The following SETD3 variants were observed in gnomAD, a reference collection of about 807,000 sequenced individuals.
The protein encoded by SETD3 is actin-histidine N-methyltransferase.
In SETD3, 19 loss-of-function variants were observed where a neutral mutation model predicts 63.0. The observed-to-expected ratio is 0.30, with a 90% CI of 0.21 to 0.44. The LOEUF (loss-of-function observed/expected upper bound fraction) is 0.44. Among genes scored for constraint, SETD3 ranks in the 20% least tolerant of loss-of-function variants. SETD3 has a pLI of 1.00. For synonymous variants in SETD3, 286 were observed against 264.1 expected (o/e 1.08, Z -0.80); for missense variants, 587 against 728.5 (o/e 0.81, Z 2.24).
Position 99,465,685 on chromosome 14 carries a change from G to T in SETD3, c.103+18C>A. ...CAGCCACCACATCAAGGCAGGGAGAGCCCAGAGGAGGACTTACTCTGCAGC... is the reference window on the plus strand; with the variant it reads ...CAGCCACCACATCAAGGCAGGGAGATCCCAGAGGAGGACTTACTCTGCAGC... On this transcript the variant is annotated intron_variant, in intron 2 of 12. Coordinates refer to ENST00000331768, the MANE Select transcript of SETD3 (RefSeq NM_032233.3). 4.4e-6 allele frequency: 7 copies of T among 1,599,466 alleles called. No homozygotes were observed. The highest frequency in any genetic ancestry group is 6.0e-6 in the Non-Finnish European group (7 of 1,167,296).
Position 99,413,869 on chromosome 14 carries a change from C to G in SETD3, c.734+7G>C. The G allele has an allele frequency of 6.2e-7, 1 of 1,614,042 alleles. No individual in the cohort carries two copies. Among genetic ancestry groups the G allele is most frequent in the Non-Finnish European group, 8.5e-7 (1 of 1,179,866 alleles). ...AATACACAGACACACTCACAGCCCA[C>G]ACCAACCTGTAGTCCTCGTAAGTGA... On this transcript the variant is annotated splice_region_variant and intron_variant, in intron 7 of 12. Transcript: ENST00000331768.
intron 11 of SETD3, among the ~76,000 whole-genome samples, chr14:99,402,782 T>C (rs138480202): frequency 2.0e-5 from 3 of 152,190 alleles, no homozygotes; most frequent in African/African-American, 4.8e-5. Context: ...ATCAGTAAAA[T>C]GGGAGCACTT....
chr14:99,407,607 G>A lies in SETD3; in HGVS notation c.850-1017C>T, dbSNP rs546562840. Among the ~76,000 whole-genome samples the A allele has an allele frequency of 2.8e-3, 429 of 152,192 alleles. 2 individuals are homozygous for A. Among genetic ancestry groups the A allele is most frequent in the African/African-American group, 9.6e-3 (398 of 41,532 alleles). ...CCTGAGCACGGCCGAATAAGGAGGC[G>A]GCTCACGCTTCCCTCCAGCTTCAGG... On this transcript the variant is annotated intron_variant, in intron 8 of 12. Transcript: ENST00000331768.
At chr14:99,471,293 C>T (rs1410638686) in intron 1 of SETD3, among the ~76,000 whole-genome samples, 1 of 152,090 alleles carries the variant, frequency 6.6e-6, no homozygotes, top group Non-Finnish European at 1.5e-5. Context: ...CACATTGCTC[C>T]CAACAGTGAT....
At chr14:99,446,062 T>C (rs1359605538) in intron 6 of SETD3, among the ~76,000 whole-genome samples, 1 of 152,194 alleles carries the variant, frequency 6.6e-6, no homozygotes, top group East Asian at 1.9e-4. Flanking sequence ...AAACTGTGTC[T>C]AGGGTCAGAC....
At chr14:99,413,300 CAGA>C (rs1010640505) in intron 7 of SETD3, 21 of 475,698 alleles carry the variant, frequency 4.4e-5, no homozygotes, top group Non-Finnish European at 7.1e-5. Context: ...GAAGCAGAGC[CAGA>C]AGGACGGCTT....
At chr14:99,468,963 G>A (rs1339478467) in intron 1 of SETD3, among the ~76,000 whole-genome samples, 2 of 152,102 alleles carry the variant, frequency 1.3e-5, no homozygotes, top group African/African-American at 4.8e-5. Context: ...ACAGGTCTTA[G>A]GTCAGGTTAC....
intron 1 of SETD3, among the ~76,000 whole-genome samples, chr14:99,466,498 A>G (rs1895380556): frequency 6.6e-6 from 1 of 152,196 alleles, no homozygotes; most frequent in Admixed American, 6.5e-5. Context: ...AGATGAGACC[A>G]TGTGGTATAG....
chr14:99,423,021 CT>C (rs1892670678), intron 6 of SETD3, among the ~76,000 whole-genome samples: 3 of 152,172 alleles, frequency 2.0e-5, no homozygotes, highest in Non-Finnish European at 4.4e-5. Flanking sequence ...TTCATATTCC[CT>C]CCTTTTCTCT....
intron 6 of SETD3, among the ~76,000 whole-genome samples, chr14:99,448,728 A>T (rs1595227297): frequency 6.6e-6 from 1 of 152,188 alleles, no homozygotes; most frequent in Admixed American, 6.5e-5. Flanking sequence ...AGCAGATGCA[A>T]TGTTACCATG....
chr14:99,475,325 T>G (rs1182330476), intron 1 of SETD3, among the ~76,000 whole-genome samples: 1 of 152,234 alleles, frequency 6.6e-6, no homozygotes, highest in Non-Finnish European at 1.5e-5. Context: ...GTACTTCACC[T>G]GATCCAAGTC....
intron 6 of SETD3, among the ~76,000 whole-genome samples, chr14:99,414,136 G>C (rs915947283): frequency 2.0e-5 from 3 of 152,270 alleles, no homozygotes; most frequent in African/African-American, 4.8e-5. Context: ...GTTGTGCCCA[G>C]CAGCCGCCAT....
intron 9 of SETD3, 97 bp from the exon 10 acceptor site, chr14:99,405,468 TAG>T: frequency 1.5e-6 from 2 of 1,296,890 alleles, no homozygotes; most frequent in South Asian, 1.5e-5. Flanking sequence ...ACTTTACATT[TAG>T]ACACTAAATA....
intron 6 of SETD3, among the ~76,000 whole-genome samples, chr14:99,439,688 A>G (rs1893687562): frequency 6.8e-6 from 1 of 147,580 alleles, no homozygotes; most frequent in Non-Finnish European, 1.5e-5. Context: ...TTATATATTT[A>G]TATGTATTTA....
chr14:99,446,274 G>A (rs1305559675), intron 6 of SETD3, among the ~76,000 whole-genome samples: 2 of 152,206 alleles, frequency 1.3e-5, no homozygotes, highest in African/African-American at 2.4e-5. Flanking sequence ...AGAAAGCCCT[G>A]TATTTCTGGC....
intron 6 of SETD3, among the ~76,000 whole-genome samples, chr14:99,455,635 T>A (rs1478905781): frequency 6.6e-6 from 1 of 152,208 alleles, no homozygotes; most frequent in African/African-American, 2.4e-5. Flanking sequence ...CCAGTGTTGG[T>A]AGGCCTCAGG....
At chr14:99,420,883 C>A (rs1368930773) in intron 6 of SETD3, among the ~76,000 whole-genome samples, 1 of 132,124 alleles carries the variant, frequency 7.6e-6, no homozygotes, top group African/African-American at 2.9e-5. Flanking sequence ...CCTGCCAGGT[C>A]ATCCAAGCAT....
rs371290639 is a variant in SETD3 at position 99,404,236 on chromosome 14, C to G, written c.1166G>C (p.Cys389Ser). The change falls in exon 11 of 13, where the codon TGT (cysteine) becomes TCT (serine). Residue 389 changes from cysteine to serine, a missense_variant. By Grantham distance (112) the Cys-to-Ser change is moderately radical. Transcript: ENST00000331768. ...AQLLAFLRVF[C>S]MTEEELKEHL... Reference sequence around the variant, plus strand: ...CTGAAATGACTTACCTTCAGTCATACAGAATACTCGGAGAAAAGCCAAAAG... The same window carrying G: ...CTGAAATGACTTACCTTCAGTCATAGAGAATACTCGGAGAAAAGCCAAAAG... The G allele has an allele frequency of 1.2e-6, 2 of 1,613,674 alleles. No homozygotes were observed. The highest frequency in any genetic ancestry group is 2.7e-5 in the African/African-American group (2 of 74,894).
chr14:99,430,574 C>A (rs771638731), intron 6 of SETD3, among the ~76,000 whole-genome samples: 1 of 152,194 alleles, frequency 6.6e-6, no homozygotes, highest in Non-Finnish European at 1.5e-5. Flanking sequence ...AAACAACGAA[C>A]ATTTATTCAA....
Sources: gnomAD v4.1 joint callset for allele counts (sites outside exome capture counted in the v4.1 genomes callset) on GRCh38, gnomAD v4.1.1 for gene constraint, MANE v1.5 for transcripts, NCBI Gene and HGNC (gene_info 2026-07-23, HGNC 2026-07-21) for gene names.